The following CCDC3 variants were observed in gnomAD, a reference collection of about 807,000 sequenced individuals.
CCDC3 encodes coiled-coil domain containing 3.
Under a neutral mutation model 21.4 loss-of-function variants are expected in CCDC3, and 24 were observed. The ratio of observed to expected loss-of-function variants is 1.12; its 90% CI spans 0.81 to 1.58. The LOEUF is 1.58. Ranked by LOEUF, CCDC3 falls within the 40% of genes most tolerant of loss-of-function variation. The pLI is 0.00. For missense variants in CCDC3, 425 were observed against 360.9 expected (o/e 1.18, Z -1.44); for synonymous variants, 186 against 166.0 (o/e 1.12, Z -0.93).
chr10:13,027,219 G>A (rs1836234774), intron 5 of CCDC3, among the ~76,000 whole-genome samples: 1 of 151,752 alleles, frequency 6.6e-6, no homozygotes, highest in Non-Finnish European at 1.5e-5. Context: ...GTCCGTAGGG[G>A]AATCTTAGCA....
chr10:12,974,481 G>T (rs1171692553), intron 2 of CCDC3, among the ~76,000 whole-genome samples: 5 of 152,216 alleles, frequency 3.3e-5, no homozygotes, highest in Non-Finnish European at 7.3e-5. Flanking sequence ...ATATTTAAGT[G>T]ATATCAATTA....
chr10:12,902,537 C>T (rs1220962536), intron 2 of CCDC3, among the ~76,000 whole-genome samples: 1 of 152,124 alleles, frequency 6.6e-6, no homozygotes, highest in East Asian at 1.9e-4. Flanking sequence ...GTCCAAAGTC[C>T]ATGACAACAA....
intron 5 of CCDC3, among the ~76,000 whole-genome samples, chr10:13,034,983 G>T (rs1046543132): frequency 1.3e-5 from 2 of 150,630 alleles, no homozygotes; most frequent in African/African-American, 4.9e-5. Flanking sequence ...CCAAGATCAC[G>T]CCATTACACT....
chr10:12,897,381 G>A lies in CCDC3; in HGVS notation c.*1035C>T, dbSNP rs1474774266. On this transcript the variant is annotated 3_prime_UTR_variant, in exon 3 of 3. Transcript: ENST00000378825. ...GAACTGACGTAAGGACAAGTGCACT[G>A]ACGTACACGTATTCCTATCGGAACA... is the stretch of plus-strand genomic sequence containing the variant. 3 of 152,246 alleles carry A rather than the reference G, an allele frequency of 2.0e-5. No individual in the cohort carries two copies. The highest frequency in any genetic ancestry group is 4.4e-5 in the Non-Finnish European group (3 of 68,062). The allele number at this position is 152,246 out of a possible 1,614,324, so 9.4% of individuals were successfully genotyped here. A position where few individuals can be genotyped will look rare whatever the true frequency, so the allele number is the denominator to read the frequency against.
chr10:12,981,360 T>A (rs1309042448), intron 2 of CCDC3, among the ~76,000 whole-genome samples: 1 of 151,898 alleles, frequency 6.6e-6, no homozygotes, highest in Non-Finnish European at 1.5e-5. Flanking sequence ...TTGTATTGTA[T>A]TTTTAGTGGA....
At chr10:12,982,070 C>G (rs773111784) in intron 2 of CCDC3, among the ~76,000 whole-genome samples, 1 of 138,520 alleles carries the variant, frequency 7.2e-6, no homozygotes, top group Non-Finnish European at 1.5e-5. Flanking sequence ...TGCAGTGAGC[C>G]GAGATCATGT....
intron 2 of CCDC3, among the ~76,000 whole-genome samples, chr10:12,941,224 T>A (rs1486868001): frequency 1.3e-5 from 2 of 152,350 alleles, no homozygotes; most frequent in East Asian, 3.9e-4. Context: ...CATGACAGTT[T>A]AGAAATGCCA....
At chr10:13,060,679 A>AT (rs1564336082) in intron 4 of CCDC3, among the ~76,000 whole-genome samples, 1 of 152,008 alleles carries the variant, frequency 6.6e-6, no homozygotes, top group African/African-American at 2.4e-5. Context: ...TAATTTTTAA[A>AT]TTTTTTGTAG....
At chr10:13,089,471 C>T (rs962662447) in intron 3 of CCDC3, among the ~76,000 whole-genome samples, 1 of 152,044 alleles carries the variant, frequency 6.6e-6, no homozygotes, top group African/African-American at 2.4e-5. Flanking sequence ...CCCCATTCCT[C>T]GGGGTACTCT....
At chr10:12,926,254 T>C (rs1046396339) in intron 2 of CCDC3, among the ~76,000 whole-genome samples, 1 of 152,234 alleles carries the variant, frequency 6.6e-6, no homozygotes, top group South Asian at 2.1e-4. Context: ...GACTGAGTTG[T>C]GTGTAACTGC....
At chr10:12,951,804 C>CAAAAAAAAA (rs71924811) in intron 2 of CCDC3, among the ~76,000 whole-genome samples, 930 of 60,406 alleles carry the variant, frequency 0.015, 162 homozygotes, top group African/African-American at 0.04. Context: ...GACTTCATCT[C>CAAAAAAAAA]AAAAAAAAAA....
rs148986933 is a variant in CCDC3 at position 13,027,438 on chromosome 10, CCT to C, written c.-2+22234_-2+22235del. On this transcript the variant is annotated intron_variant, in intron 5 of 6. Transcript: ENST00000378839. ...ATCCCATAATAATATGAAGTCTTCC[CCT>C]GTCTCTTTCTCTCTGACGTCTCATT... 4.0e-3 allele frequency among the ~76,000 whole-genome samples: 606 copies of C among 152,184 alleles called. 6 individuals carry two copies. Among genetic ancestry groups the C allele is most frequent in the African/African-American group, 0.014 (583 of 41,508 alleles).
At chr10:13,007,960 C>G (rs1396996542) in intron 5 of CCDC3, among the ~76,000 whole-genome samples, 2 of 152,108 alleles carry the variant, frequency 1.3e-5, no homozygotes, top group African/African-American at 4.8e-5. Context: ...TCTGGGGCTT[C>G]CTACTGCAGG....
intron 2 of CCDC3, among the ~76,000 whole-genome samples, chr10:12,925,587 T>C (rs17152493): frequency 0.049 from 7,510 of 152,292 alleles, 375 homozygotes; most frequent in African/African-American, 0.12. Flanking sequence ...ATCCCAAAGG[T>C]AAACCCTCTG....
intron 2 of CCDC3, among the ~76,000 whole-genome samples, chr10:12,978,306 A>T (rs1835446040): frequency 6.6e-6 from 1 of 152,248 alleles, no homozygotes; most frequent in African/African-American, 2.4e-5. Context: ...GGCATGCGCC[A>T]CCGCACCTGG....
chr10:12,991,915 TTCTTA>T (rs1835687911), intron 2 of CCDC3, among the ~76,000 whole-genome samples: 2 of 152,264 alleles, frequency 1.3e-5, no homozygotes, highest in East Asian at 1.9e-4. Flanking sequence ...TTCTGTCTCT[TTCTTA>T]TCTTTTTTTC....
intron 2 of CCDC3, among the ~76,000 whole-genome samples, chr10:12,968,953 A>G (rs1188465152): frequency 6.6e-6 from 1 of 152,200 alleles, no homozygotes; most frequent in Non-Finnish European, 1.5e-5. Flanking sequence ...GGAACAAAGG[A>G]ACAAGCAAAA....
intron 2 of CCDC3, among the ~76,000 whole-genome samples, chr10:12,912,989 C>G (rs1834293474): frequency 2.0e-5 from 3 of 152,198 alleles, no homozygotes; most frequent in Admixed American, 1.3e-4. Flanking sequence ...CAGTGCCATC[C>G]CGCTTTGATT....
chr10:13,014,717 T>G (rs1836029799), intron 5 of CCDC3, among the ~76,000 whole-genome samples: 1 of 152,070 alleles, frequency 6.6e-6, no homozygotes, highest in Non-Finnish European at 1.5e-5. Context: ...GTACTGGGCT[T>G]GCAACTTTTT....
Sources: allele counts gnomAD v4.1 joint callset (sites outside exome capture counted in the v4.1 genomes callset), GRCh38; gene constraint gnomAD v4.1.1; transcripts MANE v1.5; gene names NCBI Gene and HGNC (gene_info 2026-07-23, HGNC 2026-07-21).